CYP4F12: variants seen among roughly 807,000 people sequenced by gnomAD.
The protein encoded by CYP4F12 is cytochrome P450 4F12.
In CYP4F12, 60 loss-of-function variants were observed where a neutral mutation model predicts 56.5. That is an observed-to-expected ratio of 1.06 (90% confidence interval 0.86 to 1.32). The LOEUF is 1.32. Ranked by LOEUF, CYP4F12 falls within the 40% of genes most tolerant of loss-of-function variation. CYP4F12 has a pLI of 0.00. For missense variants in CYP4F12, 711 were observed against 683.5 expected (o/e 1.04, Z -0.45); for synonymous variants, 263 against 264.9 (o/e 0.99, Z 0.07).
In CYP4F12 at chr19:15,673,543, G is replaced by A; in HGVS notation, c.14G>A (p.Ser5Asn). The A allele has an allele frequency of 1.2e-6, 2 of 1,613,644 alleles. No individual in the cohort carries two copies. The highest frequency in any genetic ancestry group is 1.7e-6 in the Non-Finnish European group (2 of 1,179,890). The change falls in exon 2 of 13, where the codon AGC (serine) becomes AAC (asparagine). Residue 5 changes from serine to asparagine, a missense_variant. Ser to Asn is a conservative substitution (Grantham distance 46). Transcript: ENST00000550308. MSLL[S>N]LPWLGLRPVA... ...CTGCCCTGCAGGATGTCGCTGCTGA[G>A]CCTGCCCTGGCTGGGCCTCAGACCG...
At chr19:15,681,485 T>C (rs2007296083) in intron 5 of CYP4F12, 1 of 152,242 alleles carries the variant, frequency 6.6e-6, no homozygotes, top group Non-Finnish European at 1.5e-5. Context: ...ATAAGCAACA[T>C]GTACTTCTTG....
Position 15,675,958 on chromosome 19 carries a change from G to A in CYP4F12, c.198+2231G>A, listed in dbSNP as rs180774987. On this transcript the variant is annotated intron_variant, in intron 2 of 12. Transcript: ENST00000550308. ...GGGAATTGGATAATGTGATGATGGA[G>A]GCCAAGAAGTCCCATGATATATCAT... is the stretch of plus-strand genomic sequence containing the variant. 2.1e-4 allele frequency among the ~76,000 whole-genome samples: 32 copies of A among 152,266 alleles called. No homozygotes were observed. In the East Asian group the frequency reaches 2.1e-3, roughly 10 times the overall value.
chr19:15,688,243 C>T (rs1307351843), intron 9 of CYP4F12, among the ~76,000 whole-genome samples: 1 of 152,138 alleles, frequency 6.6e-6, no homozygotes, highest in Non-Finnish European at 1.5e-5. Context: ...CTACTCTCCA[C>T]TCCCTTGTCA....
In CYP4F12 at chr19:15,680,388, C is replaced by G. The variant is rs375594895; in HGVS notation, c.398-4C>G. 6.8e-6 allele frequency: 11 copies of G among 1,614,158 alleles called. No individual in the cohort carries two copies. The highest frequency in any genetic ancestry group is 9.3e-6 in the Non-Finnish European group (11 of 1,180,006). On this transcript the variant is annotated splice_region_variant and splice_polypyrimidine_tract_variant and intron_variant, in intron 4 of 12. Transcript: ENST00000550308. ...TTGCCCACTGTCCTTGGCTGCCCTA[C>G]TAGGAGAAGGGATACTGCTGAGTGG...
At position 15,680,268 on chromosome 19, in the gene CYP4F12, T is replaced by G. The variant is rs570191822; in HGVS notation, c.368T>G (p.Leu123Arg). 2 of 1,609,682 alleles carry G rather than the reference T, an allele frequency of 1.2e-6. No individual in the cohort carries two copies. The highest frequency in any genetic ancestry group is 1.3e-5 in the African/African-American group (1 of 74,976). The stretch of plus-strand genomic sequence containing the variant: ...GCTGCCATTGCACCCAAGGATAATC[T>G]CTTCATCAGGTTCCTGAAGCCCTGG... ...ASAAIAPKDN[L>R]FIRFLKPWLG... is the part of the protein sequence containing the mutation. The change falls in exon 4 of 13, where the codon CTC becomes CGC. Residue 123 changes from leucine to arginine, a missense_variant. Coordinates refer to ENST00000550308, the MANE Select transcript of CYP4F12 (RefSeq NM_023944.4).
At chr19:15,696,790 TTCTCTC>T (rs368441035) in intron 12 of CYP4F12, 112 bp from the exon 13 acceptor site, 5 of 1,312,008 alleles carry the variant, frequency 3.8e-6, no homozygotes, top group Non-Finnish European at 5.1e-6. Flanking sequence ...CGCTTAGTCT[TTCTCTC>T]TCTCTCTCAG....
chr19:15,676,118 T>G (rs1275112173), intron 2 of CYP4F12, among the ~76,000 whole-genome samples: 2 of 152,150 alleles, frequency 1.3e-5, no homozygotes, highest in African/African-American at 4.8e-5. Flanking sequence ...CTTCCTTTCC[T>G]CTGCCTTTTG....
intron 7 of CYP4F12, 92 bp from the exon 8 acceptor site, chr19:15,684,724 G>T: frequency 7.9e-7 from 1 of 1,266,884 alleles, no homozygotes. Flanking sequence ...ATTATCTCAG[G>T]TTAGACTCCG....
At chr19:15,693,897 T>C (rs983472810) in intron 9 of CYP4F12, among the ~76,000 whole-genome samples, 2 of 137,986 alleles carry the variant, frequency 1.4e-5, no homozygotes, top group Non-Finnish European at 3.1e-5. Flanking sequence ...AGTTTCAGCT[T>C]TCTACATATG....
Position 15,680,448 on chromosome 19 carries a change from A to T in CYP4F12, c.454A>T (p.Thr152Ser). ...DKWSRHRRMLTPAFHFNILKS... is the reference protein window; with the variant it reads ...DKWSRHRRMLSPAFHFNILKS... ...GTGGAGCCGCCACCGTCGGATGCTG[A>T]CGCCCGCCTTCCATTTCAACATCCT... The change falls in exon 5 of 13, where the codon ACG (threonine) becomes TCG (serine). Residue 152 changes from threonine (T) to serine (S), a missense_variant. Transcript: ENST00000550308. 6.2e-7 allele frequency: 1 copy of T among 1,614,130 alleles called. No homozygotes were observed. The highest frequency in any genetic ancestry group is 8.5e-7 in the Non-Finnish European group (1 of 1,180,010).
intron 2 of CYP4F12, among the ~76,000 whole-genome samples, chr19:15,676,956 CTCACTCATTCCTGTGCCCAT>C (rs2006969877): frequency 1.1e-5 from 1 of 93,108 alleles, no homozygotes; most frequent in African/African-American, 3.8e-5. Context: ...CCTCTCCTCA[CTCACTCATTCCTGTGCCCAT>C]TCACTCATTC....
intron 9 of CYP4F12, among the ~76,000 whole-genome samples, chr19:15,687,136 G>A (rs560336505): frequency 6.6e-6 from 1 of 152,108 alleles, no homozygotes; most frequent in African/African-American, 2.4e-5. Context: ...AATTAGCCGG[G>A]CGTGATGGCA....
chr19:15,679,147 C>T (rs1424897498), intron 3 of CYP4F12, among the ~76,000 whole-genome samples: 2 of 152,310 alleles, frequency 1.3e-5, no homozygotes, highest in Non-Finnish European at 2.9e-5. Flanking sequence ...ATGGCTCTGA[C>T]CCCCAAATCC....
rs575781266 is a variant in CYP4F12 at position 15,682,612 on chromosome 19, A to G, written c.647+102A>G. On this transcript the variant is annotated intron_variant, in intron 6 of 12. Transcript: ENST00000550308. ...GTAACCAGAAGTACCTTTCGGGAGG[A>G]TTTGTATCATAGCTGTGCTTTGAAG... is the stretch of plus-strand genomic sequence containing the variant. 243 of 1,531,368 alleles carry G rather than the reference A, an allele frequency of 1.6e-4. 3 individuals are homozygous for G. In the South Asian group the frequency reaches 2.6e-3, roughly 17 times the overall value. The allele number at this position is 1,531,368 out of a possible 1,614,324, so 94.9% of individuals were successfully genotyped here. A position where few individuals can be genotyped will look rare whatever the true frequency, so the allele number is the denominator to read the frequency against.
rs1409067163 is a variant in CYP4F12 at position 15,695,808 on chromosome 19, TC to T, written c.1116-127del. 5 of 1,335,958 alleles carry T rather than the reference TC, an allele frequency of 3.7e-6. No individual in the cohort carries two copies. In the African/African-American group the frequency reaches 4.5e-5, roughly 12 times the overall value. 82.8% of individuals were successfully genotyped at this position (1,335,958 alleles called of 1,614,324 possible). A position where few individuals can be genotyped will look rare whatever the true frequency, so the allele number is the denominator to read the frequency against. ...CTAATTGTTTTCTGCTTTTTAAAATTCTCAAATGTTTGATCCCCGTGGAGTT... is the reference window on the plus strand; with the variant it reads ...CTAATTGTTTTCTGCTTTTTAAAATTTCAAATGTTTGATCCCCGTGGAGTT... On this transcript the variant is annotated intron_variant, in intron 9 of 12. Coordinates refer to ENST00000550308, the MANE Select transcript of CYP4F12 (RefSeq NM_023944.4).
chr19:15,674,795 G>T (rs2006838423), intron 2 of CYP4F12, among the ~76,000 whole-genome samples: 3 of 136,854 alleles, frequency 2.2e-5, no homozygotes, highest in African/African-American at 8.0e-5. Flanking sequence ...TCCCACCTCA[G>T]CCTGCTTGGA....
At chr19:15,684,756 T>TTTTGTGTGTG (rs1555751162) in intron 7 of CYP4F12, 60 bp from the exon 8 acceptor site, 141 of 1,044,640 alleles carry the variant, frequency 1.3e-4, no homozygotes, top group Non-Finnish European at 1.8e-4. Context: ...ATAGTATAAT[T>TTTTGTGTGTG]TGTGTGTGTG....
At chr19:15,689,092 G>A (rs1416162430) in intron 9 of CYP4F12, among the ~76,000 whole-genome samples, 1 of 135,886 alleles carries the variant, frequency 7.4e-6, no homozygotes, top group East Asian at 1.9e-4. Flanking sequence ...ATAAATCAGT[G>A]GAACTTAATT....
rs377107512 is a variant in CYP4F12 at position 15,680,437 on chromosome 19, G to A, written c.443G>A (p.Arg148His). The part of the protein sequence containing the change: ...LSGGDKWSRH[R>H]RMLTPAFHFN... Reference sequence around the variant, plus strand: ...GGCGGTGACAAGTGGAGCCGCCACCGTCGGATGCTGACGCCCGCCTTCCAT... The same window carrying A: ...GGCGGTGACAAGTGGAGCCGCCACCATCGGATGCTGACGCCCGCCTTCCAT... Residue 148 changes from arginine to histidine, a missense_variant, in exon 5 of 13, where the codon CGT becomes CAT. Arg to His is a conservative substitution (Grantham distance 29). Coordinates refer to ENST00000550308, the MANE Select transcript of CYP4F12 (RefSeq NM_023944.4). 210 of 1,614,032 alleles carry A rather than the reference G, an allele frequency of 1.3e-4. 1 individual carries two copies. The Middle Eastern group carries it at 1.6e-3, about 13-fold the overall frequency.
Sources: gnomAD v4.1 joint callset for allele counts (sites outside exome capture counted in the v4.1 genomes callset) on GRCh38, gnomAD v4.1.1 for gene constraint, MANE v1.5 for transcripts, NCBI Gene and HGNC (gene_info 2026-07-23, HGNC 2026-07-21) for gene names.